MAPRE2: variants seen among roughly 807,000 people sequenced by gnomAD.
MAPRE2 encodes microtubule associated protein RP/EB family member 2, also known as microtubule-associated protein RP/EB family member 2.
Under a neutral mutation model 43.2 loss-of-function variants are expected in MAPRE2, and 13 were observed. The observed-to-expected ratio is 0.30, with a 90% CI of 0.20 to 0.48. MAPRE2 has a LOEUF of 0.48. MAPRE2 is among the 20% of genes least tolerant of loss of function. MAPRE2 has a pLI of 0.99. For synonymous variants in MAPRE2, 135 were observed against 148.8 expected (o/e 0.91, Z 0.68); for missense variants, 161 against 400.2 (o/e 0.40, Z 5.10).
intron 2 of MAPRE2, among the ~76,000 whole-genome samples, chr18:35,083,791 A>T (rs1907750492): frequency 6.6e-6 from 1 of 152,196 alleles, no homozygotes; most frequent in African/African-American, 2.4e-5. Context: ...CCAATGAGAT[A>T]TTTTACTTGC....
intron 1 of MAPRE2, among the ~76,000 whole-genome samples, chr18:35,065,568 T>G (rs1239429525): frequency 6.6e-6 from 1 of 152,042 alleles, no homozygotes; most frequent in Non-Finnish European, 1.5e-5. Flanking sequence ...TTTTTTATTT[T>G]TTTTTGAGAC....
intron 1 of MAPRE2, among the ~76,000 whole-genome samples, chr18:35,051,657 A>G (rs899536393): frequency 1.3e-5 from 2 of 152,204 alleles, no homozygotes; most frequent in African/African-American, 4.8e-5. Context: ...TTGCTTGAAG[A>G]GGCAGTGAGG....
chr18:35,009,307 T>A (rs2097033292), intron 2 of MAPRE2, among the ~76,000 whole-genome samples: 1 of 152,148 alleles, frequency 6.6e-6, no homozygotes, highest in Non-Finnish European at 1.5e-5. Flanking sequence ...GATCACCAAC[T>A]CTGTGCCAAG....
chr18:35,092,554 A>C (rs958253798), intron 2 of MAPRE2, among the ~76,000 whole-genome samples: 1 of 152,228 alleles, frequency 6.6e-6, no homozygotes, highest in East Asian at 1.9e-4. Context: ...TGATCTGGGC[A>C]AAGATTTTTT....
In MAPRE2 at chr18:35,140,435, T is replaced by C. The variant is rs1910583580; in HGVS notation, c.*66T>C. ...ACGTTTCTTCTGGAGAATTGGAACATGTGTGGCCCCAAGCTCAACAGAAAC... is the reference window on the plus strand; with the variant it reads ...ACGTTTCTTCTGGAGAATTGGAACACGTGTGGCCCCAAGCTCAACAGAAAC... On this transcript the variant is annotated 3_prime_UTR_variant, in exon 7 of 7. Transcript: ENST00000300249. The C allele has an allele frequency of 2.1e-6, 3 of 1,447,516 alleles. No individual in the cohort carries two copies. The highest frequency in any genetic ancestry group is 1.4e-5 in the African/African-American group (1 of 71,070). The allele number at this position is 1,447,516 out of a possible 1,614,324, so 89.7% of individuals were successfully genotyped here.
chr18:35,034,990 G>GA (rs1271789589), intron 2 of MAPRE2, among the ~76,000 whole-genome samples: 1 of 151,870 alleles, frequency 6.6e-6, no homozygotes, highest in African/African-American at 2.4e-5. Flanking sequence ...AATACCATTT[G>GA]ACCCAGCCAT....
chr18:35,024,733 T>C (rs537203892), intron 2 of MAPRE2, among the ~76,000 whole-genome samples: 2 of 152,316 alleles, frequency 1.3e-5, no homozygotes, highest in Admixed American at 1.3e-4. Context: ...TATTGTCCTT[T>C]ATATCATAGA....
Position 35,102,069 on chromosome 18 carries a change from C to A in MAPRE2, c.520C>A (p.Gln174Lys). Residue 174 changes from glutamine (Q) to lysine (K), a missense_variant, in exon 4 of 7, where the codon CAA becomes AAA. Gln to Lys is a moderately conservative substitution (Grantham distance 53). Around this residue, in one of 2 missense-constraint regions of MAPRE2, gnomAD observed 65 missense variants for 246.9 expected, o/e 0.26. Coordinates refer to ENST00000300249, the MANE Select transcript of MAPRE2 (RefSeq NM_014268.4). ...GKEYDPVEAR[Q>K]GQDAIPPPDP... ...GGAGTATGATCCTGTAGAGGCACGA[C>A]AAGGGCAAGATGCAATTCCTCCTCC... The A allele has an allele frequency of 6.2e-7, 1 of 1,613,206 alleles. No individual in the cohort carries two copies. Among genetic ancestry groups the A allele is most frequent in the Non-Finnish European group, 8.5e-7 (1 of 1,179,630 alleles).
intron 2 of MAPRE2, among the ~76,000 whole-genome samples, chr18:35,096,050 C>T (rs1908401404): frequency 6.6e-6 from 1 of 152,156 alleles, no homozygotes; most frequent in Non-Finnish European, 1.5e-5. Context: ...CATGTTTTAA[C>T]AACCCTTAGA....
intron 2 of MAPRE2, among the ~76,000 whole-genome samples, chr18:35,089,934 G>A (rs999963193): frequency 5.3e-5 from 8 of 152,196 alleles, no homozygotes; most frequent in Admixed American, 3.9e-4. Context: ...TTCATAAAAT[G>A]GAATATTATT....
chr18:35,128,881 G>T (rs909987817), intron 5 of MAPRE2, among the ~76,000 whole-genome samples: 1 of 152,074 alleles, frequency 6.6e-6, no homozygotes. Context: ...CTTATAGCCT[G>T]AACCGCCCAG....
At chr18:35,139,713 A>G (rs1910539705) in intron 6 of MAPRE2, among the ~76,000 whole-genome samples, 1 of 152,102 alleles carries the variant, frequency 6.6e-6, no homozygotes, top group Non-Finnish European at 1.5e-5. Context: ...TAGCCTGGGA[A>G]CCTCTAACAC....
chr18:34,980,694 T>A (rs183730412), intron 1 of MAPRE2, among the ~76,000 whole-genome samples: 309 of 152,300 alleles, frequency 2.0e-3, no homozygotes, highest in African/African-American at 7.0e-3. Flanking sequence ...TACCCAACAA[T>A]TTAGCATTTT....
At chr18:35,068,886 C>T (rs1906971580) in intron 1 of MAPRE2, among the ~76,000 whole-genome samples, 1 of 152,138 alleles carries the variant, frequency 6.6e-6, no homozygotes, top group Non-Finnish European at 1.5e-5. Context: ...ACTGGCATAA[C>T]CTTTGGCAGC....
At chr18:35,112,806 A>G (rs192092232) in intron 4 of MAPRE2, among the ~76,000 whole-genome samples, 1 of 152,246 alleles carries the variant, frequency 6.6e-6, no homozygotes, top group African/African-American at 2.4e-5. Context: ...TCAGGCTTCT[A>G]TAACAAAATG....
intron 1 of MAPRE2, among the ~76,000 whole-genome samples, chr18:34,993,992 CTTT>C (rs11301716): frequency 0.13 from 16,112 of 119,892 alleles, 856 homozygotes; most frequent in South Asian, 0.19. Context: ...CATGGATTTT[CTTT>C]TTTTTTTTTT....
At chr18:35,003,154 A>T (rs1249511235) in intron 1 of MAPRE2, among the ~76,000 whole-genome samples, 2 of 152,120 alleles carry the variant, frequency 1.3e-5, no homozygotes, top group Non-Finnish European at 2.9e-5. Context: ...TCCTATCCCC[A>T]CAAGCAAAGG....
chr18:35,018,590 T>C (rs2097039966), intron 2 of MAPRE2, among the ~76,000 whole-genome samples: 2 of 151,992 alleles, frequency 1.3e-5, no homozygotes, highest in Admixed American at 1.3e-4. Context: ...CCATTTCCTC[T>C]AGATTTTCTA....
chr18:35,126,767 A>G (rs1316734887), intron 4 of MAPRE2, among the ~76,000 whole-genome samples, 181 bp from the exon 5 acceptor site: 1 of 152,212 alleles, frequency 6.6e-6, no homozygotes, highest in Non-Finnish European at 1.5e-5. Flanking sequence ...TGCCCAAAAC[A>G]ACCGTACTTT....
Sources: allele counts gnomAD v4.1 joint callset (sites outside exome capture counted in the v4.1 genomes callset), GRCh38; gene constraint gnomAD v4.1.1; regional missense constraint gnomAD v4.1.1; transcripts MANE v1.5; gene names NCBI Gene and HGNC (gene_info 2026-07-23, HGNC 2026-07-21).